Variants in TMED3 observed in about 807,000 individuals in gnomAD.
The protein encoded by TMED3 is transmembrane p24 trafficking protein 3.
In TMED3, 9 loss-of-function variants were observed where a neutral mutation model predicts 15.0. The observed-to-expected ratio is 0.60, with a 90% confidence interval of 0.36 to 1.04. The LOEUF (loss-of-function observed/expected upper bound fraction) is 1.04, where lower values mean the gene tolerates loss of function less well. Ranked by LOEUF, TMED3 falls within the 50% of genes least tolerant of loss-of-function variation. The probability of loss-of-function intolerance (pLI) is 0.01; values close to 1 mark genes in which losing one functional copy is unlikely to be tolerated. For missense variants in TMED3, 267 were observed against 278.9 expected (o/e 0.96, Z 0.30); for synonymous variants, 117 against 121.4 (o/e 0.96, Z 0.24).
At chr15:79,391,414 T>C (rs1893692957) in intron 2 of TMED3, among the ~76,000 whole-genome samples, 1 of 152,194 alleles carries the variant, frequency 6.6e-6, no homozygotes, top group South Asian at 2.1e-4. Context: ...TCCAGTTTTA[T>C]TCCACTGTGG....
intron 2 of TMED3, among the ~76,000 whole-genome samples, chr15:79,356,220 A>G (rs2058918206): frequency 6.6e-6 from 1 of 152,184 alleles, no homozygotes; most frequent in Admixed American, 6.5e-5. Flanking sequence ...ATTGGCGAGG[A>G]AAAGCTGTGT....
downstream of TMED3, among the ~76,000 whole-genome samples, chr15:79,323,287 T>C (rs369652234): frequency 8.5e-5 from 13 of 152,250 alleles, no homozygotes; most frequent in Middle Eastern, 3.4e-3. Flanking sequence ...AGATACAGTG[T>C]CTCCGCTGAA....
intron 2 of TMED3, among the ~76,000 whole-genome samples, chr15:79,317,296 T>C (rs1296493522): frequency 6.6e-6 from 1 of 152,210 alleles, no homozygotes; most frequent in Non-Finnish European, 1.5e-5. Flanking sequence ...TCATCCTCTG[T>C]CTTGGTGTCT....
chr15:79,318,956 G>A (rs1596050944), intron 2 of TMED3, among the ~76,000 whole-genome samples: 2 of 152,166 alleles, frequency 1.3e-5, no homozygotes, highest in African/African-American at 4.8e-5. Context: ...AATGTCTGCA[G>A]GTATAGCCCA....
chr15:79,413,494 T>G (rs1894021941), exon 3 of TMED3: 1 of 152,358 alleles, frequency 6.6e-6, no homozygotes, highest in East Asian at 1.9e-4. Context: ...AATTCTTGAC[T>G]GAAATAATCA....
At chr15:79,344,117 T>A (rs913326144) in intron 2 of TMED3, among the ~76,000 whole-genome samples, 1 of 152,084 alleles carries the variant, frequency 6.6e-6, no homozygotes, top group Admixed American at 6.5e-5. Flanking sequence ...CTCCAACTTA[T>A]AGAAGTTGAG....
intron 2 of TMED3, among the ~76,000 whole-genome samples, chr15:79,388,075 A>G (rs1442031857): frequency 6.6e-6 from 1 of 152,078 alleles, no homozygotes; most frequent in East Asian, 1.9e-4. Context: ...TATATATTTT[A>G]TTTCTTATCT....
chr15:79,389,476 T>G (rs1167575727), intron 2 of TMED3, among the ~76,000 whole-genome samples: 2 of 152,144 alleles, frequency 1.3e-5, no homozygotes, highest in Non-Finnish European at 2.9e-5. Context: ...AGTACCATGT[T>G]ATTTTTGGTG....
At chr15:79,373,834 T>A (rs1416426116) in intron 2 of TMED3, among the ~76,000 whole-genome samples, 1 of 152,182 alleles carries the variant, frequency 6.6e-6, no homozygotes, top group East Asian at 1.9e-4. Flanking sequence ...AAGCAGGGGC[T>A]TACAGGTCAT....
intron 2 of TMED3, among the ~76,000 whole-genome samples, chr15:79,356,632 G>T (rs928477876): frequency 6.6e-6 from 1 of 152,200 alleles, no homozygotes; most frequent in Non-Finnish European, 1.5e-5. Context: ...CCAAAGAGCA[G>T]GGCAAAAGGA....
At chr15:79,340,480 CTT>C (rs1442909792) in intron 2 of TMED3, among the ~76,000 whole-genome samples, 2 of 152,226 alleles carry the variant, frequency 1.3e-5, no homozygotes, top group Admixed American at 6.5e-5. Context: ...CTAAATCTCT[CTT>C]AAATTCCTGA....
chr15:79,390,732 AT>A (rs2141253518), intron 2 of TMED3, among the ~76,000 whole-genome samples: 1 of 151,190 alleles, frequency 6.6e-6, no homozygotes, highest in East Asian at 1.9e-4. Flanking sequence ...TTTTTTTTTA[AT>A]TTTTAAGTTA....
intron 2 of TMED3, among the ~76,000 whole-genome samples, chr15:79,345,772 T>G (rs1034727825): frequency 6.6e-6 from 1 of 152,200 alleles, no homozygotes; most frequent in African/African-American, 2.4e-5. Context: ...CCACCACCAG[T>G]GTATAAGCAT....
intron 2 of TMED3, among the ~76,000 whole-genome samples, chr15:79,336,402 A>G (rs1398502052): frequency 6.6e-6 from 1 of 152,210 alleles, no homozygotes; most frequent in Non-Finnish European, 1.5e-5. Flanking sequence ...TCATGCCTGT[A>G]ATCCCAGCAC....
intron 2 of TMED3, among the ~76,000 whole-genome samples, chr15:79,338,832 C>T (rs571030769): frequency 3.7e-4 from 56 of 152,280 alleles, no homozygotes; most frequent in Non-Finnish European, 7.2e-4. Flanking sequence ...GGAAGACACC[C>T]GTTGCCAGGC....
intron 2 of TMED3, among the ~76,000 whole-genome samples, chr15:79,317,610 A>ATGAATACATATG (rs2058746288): frequency 6.6e-6 from 1 of 152,018 alleles, no homozygotes; most frequent in African/African-American, 2.4e-5. Context: ...ATGAATACAT[A>ATGAATACATATG]TGTGTGTGTG....
At chr15:79,411,345 G>T (rs1209626262) in intron 2 of TMED3, 1 of 698,334 alleles carries the variant, frequency 1.4e-6, no homozygotes, top group South Asian at 1.5e-5. Context: ...ATCCTGGGCA[G>T]TTCATGGTTC....
At chr15:79,361,891 T>G (rs929671096) in intron 2 of TMED3, among the ~76,000 whole-genome samples, 1 of 152,124 alleles carries the variant, frequency 6.6e-6, no homozygotes, top group African/African-American at 2.4e-5. Flanking sequence ...TATTTTCCTT[T>G]TTTAAAAAAA....
intron 2 of TMED3, among the ~76,000 whole-genome samples, chr15:79,372,090 C>A (rs376536162): frequency 6.6e-6 from 1 of 152,248 alleles, no homozygotes; most frequent in African/African-American, 2.4e-5. Flanking sequence ...AAACCTTAGC[C>A]TGTGGGTTAA....
Sources: allele counts gnomAD v4.1 joint callset (sites outside exome capture counted in the v4.1 genomes callset), GRCh38; gene constraint gnomAD v4.1.1; transcripts MANE v1.5; gene names NCBI Gene and HGNC (gene_info 2026-07-23, HGNC 2026-07-21).